The following PRMT3 variants were observed in gnomAD, a reference collection of about 807,000 sequenced individuals.
PRMT3 encodes the protein protein arginine methyltransferase 3.
Under a neutral mutation model 71.9 loss-of-function variants are expected in PRMT3, and 62 were observed. The observed-to-expected ratio is 0.86, with a 90% CI of 0.70 to 1.07. The LOEUF (loss-of-function observed/expected upper bound fraction) is 1.07, where lower values mean the gene tolerates loss of function less well. Ranked by LOEUF, PRMT3 falls within the 50% of genes least tolerant of loss-of-function variation. The pLI is 0.00. For synonymous variants in PRMT3, 213 were observed against 220.4 expected, an observed-to-expected ratio of 0.97 and a Z score of 0.30; for missense variants, 663 against 643.0, an observed-to-expected ratio of 1.03 and a Z score of -0.34.
chr11:20,498,692 T>G (rs1304278915), intron 15 of PRMT3, among the ~76,000 whole-genome samples: 2 of 152,150 alleles, frequency 1.3e-5, no homozygotes, highest in East Asian at 3.9e-4. Context: ...ATTGCACCAC[T>G]GCATTCCAGC....
At chr11:20,456,392 A>AT (rs1850268239) in intron 11 of PRMT3, among the ~76,000 whole-genome samples, 1 of 152,144 alleles carries the variant, frequency 6.6e-6, no homozygotes, top group Admixed American at 6.5e-5. Context: ...TTTATTTCTA[A>AT]TTAATTTTTG....
At chr11:20,456,982 T>G (rs1179802883) in intron 11 of PRMT3, among the ~76,000 whole-genome samples, 2 of 152,142 alleles carry the variant, frequency 1.3e-5, no homozygotes, top group African/African-American at 2.4e-5. Flanking sequence ...TAAGCAATTC[T>G]CCTGCCTCAG....
At chr11:20,440,117 GAA>G (rs1053505648) in intron 10 of PRMT3, among the ~76,000 whole-genome samples, 6 of 152,240 alleles carry the variant, frequency 3.9e-5, no homozygotes, top group Middle Eastern at 3.4e-3. Flanking sequence ...GTTCTAAATG[GAA>G]AAAGAGCTTT....
chr11:20,467,231 A>G lies in PRMT3; in HGVS notation c.1347+2685A>G, dbSNP rs140055877. Among the ~76,000 whole-genome samples, 154 of 152,308 alleles carry G rather than the reference A, an allele frequency of 1.0e-3. 1 individual carries two copies. Among genetic ancestry groups the G allele is most frequent in the East Asian group, 8.3e-3 (43 of 5,182 alleles). On this transcript the variant is annotated intron_variant, in intron 13 of 15. Transcript: ENST00000331079. ...CATTATCCTTTAAAATTTAGTTAAT[A>G]TTATCAGAGGAAGGTAACGTACATC...
chr11:20,453,410 G>C (rs189692272), intron 11 of PRMT3, among the ~76,000 whole-genome samples: 271 of 151,126 alleles, frequency 1.8e-3, no homozygotes, highest in Non-Finnish European at 3.4e-3. Flanking sequence ...AACCCGGGAG[G>C]CAGAGGTTGC....
Position 20,443,658 on chromosome 11 carries a change from T to C in PRMT3, c.994-8472T>C, listed in dbSNP as rs552709813. On this transcript the variant is annotated intron_variant, in intron 10 of 15. Transcript: ENST00000331079. ...GGAATATTGTTTTAGAAACTGTTTT[T>C]GTGGGTCTGGAATAAGACCCACACG... Among the ~76,000 whole-genome samples the C allele has an allele frequency of 2.0e-5, 3 of 152,334 alleles. No individual in the cohort carries two copies. The South Asian group carries it at 6.2e-4, about 32-fold the overall frequency.
chr11:20,454,936 A>G (rs1397913448), intron 11 of PRMT3, among the ~76,000 whole-genome samples: 3 of 152,102 alleles, frequency 2.0e-5, no homozygotes, highest in East Asian at 1.9e-4. Flanking sequence ...CAATCAAGCA[A>G]TTCCACTGTG....
intron 15 of PRMT3, 104 bp from the exon 16 acceptor site, chr11:20,508,200 G>T: frequency 3.0e-5 from 16 of 526,554 alleles, no homozygotes; most frequent in South Asian, 6.8e-5. Context: ...AGTTTAAAAA[G>T]TGGGAAAACA....
chr11:20,464,616 A>G, intron 13 of PRMT3, 70 bp downstream of exon 13: 1 of 1,581,984 alleles, frequency 6.3e-7, no homozygotes, highest in Admixed American at 1.9e-5. Context: ...AATGAGTTTA[A>G]TTACCAGGCT....
intron 13 of PRMT3, among the ~76,000 whole-genome samples, chr11:20,479,584 C>T (rs965606178): frequency 1.4e-4 from 22 of 152,146 alleles, no homozygotes; most frequent in African/African-American, 4.8e-4. Context: ...ATATAGGGTA[C>T]TTGCTCAAGA....
At chr11:20,425,933 G>GA (rs986921822) in intron 9 of PRMT3, among the ~76,000 whole-genome samples, 3 of 152,206 alleles carry the variant, frequency 2.0e-5, no homozygotes, top group South Asian at 2.1e-4. Context: ...TTTGATGCAG[G>GA]AAAAAAATCC....
chr11:20,411,333 A>G (rs1341947421), intron 9 of PRMT3, among the ~76,000 whole-genome samples: 3 of 152,070 alleles, frequency 2.0e-5, no homozygotes, highest in African/African-American at 7.2e-5. Flanking sequence ...TGTCAGCCAG[A>G]TTTTTGAATC....
At chr11:20,485,680 A>G (rs1031391239) in intron 13 of PRMT3, among the ~76,000 whole-genome samples, 1 of 152,178 alleles carries the variant, frequency 6.6e-6, no homozygotes, top group African/African-American at 2.4e-5. Context: ...GGGAAGGGCA[A>G]GAAATAACGT....
At chr11:20,424,432 T>A (rs1173823207) in intron 9 of PRMT3, among the ~76,000 whole-genome samples, 1 of 152,142 alleles carries the variant, frequency 6.6e-6, no homozygotes, top group African/African-American at 2.4e-5. Flanking sequence ...ATTCCGTAAG[T>A]TAGTGATAGT....
At chr11:20,420,839 C>G (rs983704036) in intron 9 of PRMT3, among the ~76,000 whole-genome samples, 5 of 152,000 alleles carry the variant, frequency 3.3e-5, no homozygotes, top group Non-Finnish European at 7.4e-5. Flanking sequence ...CTCTTCTATC[C>G]AACACCATAA....
intron 10 of PRMT3, among the ~76,000 whole-genome samples, chr11:20,447,560 A>G (rs1850058826): frequency 1.3e-5 from 2 of 152,158 alleles, no homozygotes; most frequent in South Asian, 4.1e-4. Flanking sequence ...TATGGGGCAT[A>G]AAGGATTTTC....
At chr11:20,426,670 CCA>C (rs1849553000) in intron 9 of PRMT3, 94 bp from the exon 10 acceptor site, 1 of 1,210,506 alleles carries the variant, frequency 8.3e-7, no homozygotes, top group Non-Finnish European at 1.1e-6. Context: ...CTTTTTTGTC[CCA>C]CAAAACAATA....
intron 13 of PRMT3, among the ~76,000 whole-genome samples, chr11:20,476,740 A>G (rs892451068): frequency 1.4e-5 from 1 of 73,742 alleles, no homozygotes; most frequent in Non-Finnish European, 2.7e-5. Flanking sequence ...TACAATTTCT[A>G]TTTTCATTTT....
chr11:20,479,541 C>T (rs1019378228), intron 13 of PRMT3, among the ~76,000 whole-genome samples: 10 of 152,038 alleles, frequency 6.6e-5, no homozygotes, highest in Non-Finnish European at 1.3e-4. Flanking sequence ...TTTTTACAGA[C>T]GCAAACTGAA....
Sources: gnomAD v4.1 joint callset for allele counts (sites outside exome capture counted in the v4.1 genomes callset) on GRCh38, gnomAD v4.1.1 for gene constraint, MANE v1.5 for transcripts, NCBI Gene and HGNC (gene_info 2026-07-23, HGNC 2026-07-21) for gene names.